The following CEMIP variants were observed in gnomAD, a reference collection of about 807,000 sequenced individuals.
The protein encoded by CEMIP is cell migration inducing hyaluronidase 1.
Under a neutral mutation model 156.9 loss-of-function variants are expected in CEMIP, and 105 were observed. The observed-to-expected ratio is 0.67, with a 90% CI of 0.57 to 0.79. The LOEUF is 0.79. Ranked by LOEUF, CEMIP falls within the 30% of genes least tolerant of loss-of-function variation. The pLI is 0.00. For synonymous variants in CEMIP, 676 were observed against 668.4 expected, an observed-to-expected ratio of 1.01 and a Z score of -0.17; for missense variants, 1,457 against 1,769.4, an observed-to-expected ratio of 0.82 and a Z score of 3.17.
intron 12 of CEMIP, among the ~76,000 whole-genome samples, chr15:80,899,868 C>T (rs777514271): frequency 6.6e-6 from 1 of 152,194 alleles, no homozygotes; most frequent in Admixed American, 6.5e-5. Flanking sequence ...TGTGAAGAAG[C>T]CTCTGGGAGG....
chr15:80,839,289 A>AGTGGGTGTGTGTGTGTGTGTGT (rs1897334392), intron 1 of CEMIP, among the ~76,000 whole-genome samples: 1 of 131,120 alleles, frequency 7.6e-6, no homozygotes, highest in African/African-American at 3.1e-5. Flanking sequence ...CAAGGCCGTG[A>AGTGGGTGTGTGTGTGTGTGTGT]GTGTGTGTGT....
chr15:80,883,454 G>GT (rs1898731737), intron 6 of CEMIP, among the ~76,000 whole-genome samples: 1 of 151,756 alleles, frequency 6.6e-6, no homozygotes, highest in Admixed American at 6.6e-5. Context: ...AGATCTCAAG[G>GT]TAAGTGTTCT....
intron 1 of CEMIP, among the ~76,000 whole-genome samples, chr15:80,783,372 T>C (rs1352564950): frequency 6.6e-6 from 1 of 152,238 alleles, no homozygotes; most frequent in African/African-American, 2.4e-5. Flanking sequence ...TGATGGCACA[T>C]ACCCAGGTGT....
chr15:80,900,642 G>GTGTGTGTGTC (rs1596172870), intron 12 of CEMIP, among the ~76,000 whole-genome samples: 6 of 127,216 alleles, frequency 4.7e-5, no homozygotes, highest in African/African-American at 8.6e-5. Context: ...GTGTGTGTGT[G>GTGTGTGTGTC]TGTGTGTCTG....
chr15:80,796,877 T>A (rs1567050527), intron 1 of CEMIP, among the ~76,000 whole-genome samples: 1 of 152,162 alleles, frequency 6.6e-6, no homozygotes, highest in East Asian at 1.9e-4. Flanking sequence ...ACCTCATTAT[T>A]CTTGGGGGAA....
rs138390359 is a variant in CEMIP at position 80,787,142 on chromosome 15, G to A, written c.-176+7528G>A. ...AAGGGAGAAAATGATGCCCTGAATG[G>A]GATAACACCCGAAGAGAGGCTGCCC... On this transcript the variant is annotated intron_variant, in intron 1 of 29. Transcript: ENST00000394685. Among the ~76,000 whole-genome samples the A allele has an allele frequency of 4.6e-3, 703 of 152,330 alleles. 3 individuals carry two copies. Among genetic ancestry groups the A allele is most frequent in the Middle Eastern group, 0.017 (5 of 294 alleles).
intron 1 of CEMIP, among the ~76,000 whole-genome samples, chr15:80,846,493 T>A (rs1897560770): frequency 6.6e-6 from 1 of 152,230 alleles, no homozygotes; most frequent in African/African-American, 2.4e-5. Flanking sequence ...GCTATTCATG[T>A]GCTTGGCCGT....
rs905995142 is a variant in CEMIP at position 80,928,110 on chromosome 15, G to A, written c.2421-792G>A. ...TGGTGAGAATGGCACTTTGAGATGA[G>A]CCTGGCAGGGTGGACAGGACAGATG... is the stretch of plus-strand genomic sequence containing the variant. On this transcript the variant is annotated intron_variant, in intron 19 of 29. Transcript: ENST00000394685. 2.6e-5 allele frequency among the ~76,000 whole-genome samples: 4 copies of A among 152,268 alleles called. No homozygotes were observed. In the East Asian group the frequency reaches 5.8e-4, roughly 22 times the overall value.
intron 14 of CEMIP, among the ~76,000 whole-genome samples, chr15:80,916,186 A>G (rs535357077): frequency 9.2e-5 from 14 of 152,302 alleles, no homozygotes; most frequent in African/African-American, 3.1e-4. Context: ...CAGCTTAACT[A>G]CTAATCACAC....
intron 19 of CEMIP, among the ~76,000 whole-genome samples, chr15:80,926,647 C>T (rs1900682572): frequency 6.6e-6 from 1 of 151,834 alleles, no homozygotes; most frequent in Non-Finnish European, 1.5e-5. Context: ...GCATTGGAGC[C>T]CCAGGAAGAT....
intron 1 of CEMIP, among the ~76,000 whole-genome samples, chr15:80,802,852 A>G (rs1896413265): frequency 6.6e-6 from 1 of 152,224 alleles, no homozygotes; most frequent in African/African-American, 2.4e-5. Flanking sequence ...TTGTACAATG[A>G]TGGGAGGAAT....
At chr15:80,940,696 C>G (rs190297274) in intron 25 of CEMIP, among the ~76,000 whole-genome samples, 5 of 152,296 alleles carry the variant, frequency 3.3e-5, no homozygotes, top group Admixed American at 3.3e-4. Context: ...GGAGGTGCTA[C>G]AGAGAGAAGA....
rs1347175868 is a variant in CEMIP, at chr15:80,837,861, A to C, written c.-175-35677A>C. Among the ~76,000 whole-genome samples, 48 of 152,208 alleles carry C rather than the reference A, an allele frequency of 3.2e-4. 1 individual carries two copies. Among genetic ancestry groups the C allele is most frequent in the Non-Finnish European group, 1.5e-5 (1 of 68,028 alleles). ...TCCCCACCTGGAGGTTTCACCTTGC[A>C]TCCCAAATACCACCCCTGCACAGAC... On this transcript the variant is annotated intron_variant, in intron 1 of 29. Transcript: ENST00000394685.
At chr15:80,869,995 A>C (rs939997208) in intron 1 of CEMIP, among the ~76,000 whole-genome samples, 2 of 152,278 alleles carry the variant, frequency 1.3e-5, no homozygotes, top group African/African-American at 4.8e-5. Context: ...TGGCTTGAGC[A>C]CTGACCACGG....
At chr15:80,902,296 C>T (rs952112492) in intron 12 of CEMIP, among the ~76,000 whole-genome samples, 1 of 152,208 alleles carries the variant, frequency 6.6e-6, no homozygotes, top group Non-Finnish European at 1.5e-5. Flanking sequence ...CAGGCCTCCT[C>T]CCCGCTCACC....
At chr15:80,864,472 C>T (rs1173534339) in intron 1 of CEMIP, among the ~76,000 whole-genome samples, 2 of 152,228 alleles carry the variant, frequency 1.3e-5, no homozygotes, top group Non-Finnish European at 2.9e-5. Context: ...GCCCGGGAGG[C>T]AACCCTGGGT....
chr15:80,887,021 G>A (rs773406682), intron 7 of CEMIP, among the ~76,000 whole-genome samples: 24 of 152,140 alleles, frequency 1.6e-4, no homozygotes, highest in East Asian at 3.8e-4. Context: ...GGGGGGTAGC[G>A]TCTCCTGAAC....
intron 19 of CEMIP, among the ~76,000 whole-genome samples, chr15:80,927,631 C>T (rs1388528334): frequency 6.6e-6 from 1 of 152,186 alleles, no homozygotes; most frequent in Non-Finnish European, 1.5e-5. Flanking sequence ...CCACCAGACT[C>T]ATTCCAAGGT....
At chr15:80,888,022 T>C (rs896966186) in intron 8 of CEMIP, among the ~76,000 whole-genome samples, 1 of 152,178 alleles carries the variant, frequency 6.6e-6, no homozygotes, top group South Asian at 2.1e-4. Context: ...AGAATTGGCA[T>C]AGAAAAGATA....
Sources: allele counts gnomAD v4.1 joint callset (sites outside exome capture counted in the v4.1 genomes callset), GRCh38; gene constraint gnomAD v4.1.1; transcripts MANE v1.5; gene names NCBI Gene and HGNC (gene_info 2026-07-23, HGNC 2026-07-21).